The following CADPS2 variants were observed in gnomAD, a reference collection of about 807,000 sequenced individuals.
CADPS2 encodes calcium dependent secretion activator 2.
Under a neutral mutation model 172.5 loss-of-function variants are expected in CADPS2, and 93 were observed. The observed-to-expected ratio is 0.54, with a 90% CI of 0.46 to 0.64. The LOEUF is 0.64. Ranked by LOEUF, CADPS2 falls within the 30% of genes least tolerant of loss-of-function variation. The pLI, the probability that CADPS2 is intolerant of heterozygous loss-of-function variation, is 0.00. For missense variants in CADPS2, 1,420 were observed against 1,565.9 expected (o/e 0.91, Z 1.57); for synonymous variants, 546 against 555.2 (o/e 0.98, Z 0.23).
intron 8 of CADPS2, among the ~76,000 whole-genome samples, chr7:122,550,704 A>T (rs1447282897): frequency 6.6e-6 from 1 of 152,186 alleles, no homozygotes; most frequent in Non-Finnish European, 1.5e-5. Flanking sequence ...TTACTTAGCC[A>T]CTAGGCTATG....
intron 3 of CADPS2, among the ~76,000 whole-genome samples, chr7:122,657,809 C>A (rs2079995340): frequency 1.3e-5 from 2 of 152,146 alleles, no homozygotes; most frequent in Non-Finnish European, 1.5e-5. Flanking sequence ...CTTTCTTTCT[C>A]CTGCCTGATT....
chr7:122,523,002 G>C (rs533424663), intron 8 of CADPS2, among the ~76,000 whole-genome samples: 1 of 152,150 alleles, frequency 6.6e-6, no homozygotes, highest in Admixed American at 6.5e-5. Context: ...TCATATGTTG[G>C]CTACTGAGAA....
At chr7:122,830,691 A>G (rs1269046224) in intron 1 of CADPS2, among the ~76,000 whole-genome samples, 1 of 152,226 alleles carries the variant, frequency 6.6e-6, no homozygotes, top group Admixed American at 6.5e-5. Flanking sequence ...TGAAAAGCAA[A>G]AAGTCTCATC....
chr7:122,564,988 C>T (rs925700735), intron 7 of CADPS2, among the ~76,000 whole-genome samples: 1 of 151,872 alleles, frequency 6.6e-6, no homozygotes, highest in Non-Finnish European at 1.5e-5. Context: ...AAGTCAAATA[C>T]AGCATGTTCT....
intron 6 of CADPS2, among the ~76,000 whole-genome samples, chr7:122,587,927 C>G (rs530758253): frequency 1.3e-5 from 2 of 152,110 alleles, no homozygotes; most frequent in African/African-American, 4.8e-5. Context: ...GAGATGGTAT[C>G]TCACTGTGGT....
chr7:122,803,974 GAAAAAAAAAAAAA>G, intron 1 of CADPS2, among the ~76,000 whole-genome samples: 1 of 85,134 alleles, frequency 1.2e-5, no homozygotes, highest in South Asian at 4.5e-4. Context: ...GGCTTGAATG[GAAAAAAAAAAAAA>G]AAAAAAAAAA....
At chr7:122,352,634 A>G (rs894181405) in intron 27 of CADPS2, among the ~76,000 whole-genome samples, 3 of 152,200 alleles carry the variant, frequency 2.0e-5, no homozygotes, top group Non-Finnish European at 4.4e-5. Context: ...CTCTAGGTGA[A>G]TATGCCCCTG....
chr7:122,619,908 T>C (rs2075387540), intron 5 of CADPS2, among the ~76,000 whole-genome samples: 2 of 152,328 alleles, frequency 1.3e-5, no homozygotes, highest in South Asian at 4.1e-4. Flanking sequence ...AATTGAATCT[T>C]GAGTCAGAAG....
At position 122,731,898 on chromosome 7, in the gene CADPS2, C is replaced by CTG. The variant is rs1032598619; in HGVS notation, c.453+5055_453+5056dup. Among the ~76,000 whole-genome samples, 4 of 151,660 alleles carry CTG rather than the reference C, an allele frequency of 2.6e-5. No homozygotes were observed. The East Asian group carries it at 5.8e-4, about 22-fold the overall frequency. ...TTGGGTCAATTTTTAATTATGCCAA[C>CTG]TGTGTGTGTGAGAATATTGAAGAAA... On this transcript the variant is annotated intron_variant, in intron 2 of 29. Transcript: ENST00000449022.
intron 1 of CADPS2, among the ~76,000 whole-genome samples, chr7:122,853,700 T>C (rs182206047): frequency 1.3e-5 from 2 of 152,330 alleles, no homozygotes; most frequent in African/African-American, 4.8e-5. Flanking sequence ...ATCTTGAAGA[T>C]ATGCATACAT....
chr7:122,666,925 T>C (rs867945080), intron 2 of CADPS2, among the ~76,000 whole-genome samples: 7 of 152,144 alleles, frequency 4.6e-5, no homozygotes, highest in Admixed American at 2.0e-4. Flanking sequence ...TGAACTACTC[T>C]GCCATGCAGT....
intron 8 of CADPS2, among the ~76,000 whole-genome samples, chr7:122,547,556 T>C (rs1171557645): frequency 6.6e-6 from 1 of 152,210 alleles, no homozygotes; most frequent in Non-Finnish European, 1.5e-5. Context: ...TTCTACTAAA[T>C]ACTAGGCAAT....
chr7:122,427,966 T>C (rs1016888250), intron 17 of CADPS2, among the ~76,000 whole-genome samples: 9 of 152,204 alleles, frequency 5.9e-5, no homozygotes, highest in African/African-American at 9.6e-5. Context: ...ATTTTCTTCA[T>C]AGAGGTCTAT....
chr7:122,379,349 T>A lies in CADPS2; in HGVS notation c.3387+19A>T, dbSNP rs780483254. 6.8e-7 allele frequency: 1 copy of A among 1,475,930 alleles called. No homozygotes were observed. The highest frequency in any genetic ancestry group is 2.3e-5 in the East Asian group (1 of 43,550). 91.4% of individuals were successfully genotyped at this position (1,475,930 alleles called of 1,614,324 possible). Reference sequence around the variant, plus strand: ...AATTTTTCACTTTGATTTAAAAAGGTGAATAAATAATACATTACCTTTGAA... The same window carrying A: ...AATTTTTCACTTTGATTTAAAAAGGAGAATAAATAATACATTACCTTTGAA... On this transcript the variant is annotated intron_variant, in intron 25 of 29. Transcript: ENST00000449022.
At chr7:122,666,771 C>T (rs1475276716) in intron 2 of CADPS2, among the ~76,000 whole-genome samples, 1 of 152,192 alleles carries the variant, frequency 6.6e-6, no homozygotes, top group Non-Finnish European at 1.5e-5. Context: ...AGCTTTTCTC[C>T]AGACCCCTGA....
intron 25 of CADPS2, among the ~76,000 whole-genome samples, chr7:122,374,621 C>G (rs1041934467): frequency 6.6e-6 from 1 of 151,968 alleles, no homozygotes; most frequent in Non-Finnish European, 1.5e-5. Context: ...CAAACTATCA[C>G]AAGATCAGAA....
chr7:122,881,852 GA>G (rs1338263730), intron 1 of CADPS2, among the ~76,000 whole-genome samples: 4 of 152,068 alleles, frequency 2.6e-5, no homozygotes, highest in African/African-American at 7.2e-5. Context: ...ACATGTTTAG[GA>G]ACACTAGTTC....
At chr7:122,737,482 A>T (rs112498545) in intron 1 of CADPS2, among the ~76,000 whole-genome samples, 1 of 152,348 alleles carries the variant, frequency 6.6e-6, no homozygotes, top group Non-Finnish European at 1.5e-5. Flanking sequence ...GTGTGCTGGG[A>T]TTACAGGCAT....
intron 1 of CADPS2, among the ~76,000 whole-genome samples, chr7:122,861,586 T>G (rs1166951945): frequency 6.6e-6 from 1 of 152,198 alleles, no homozygotes; most frequent in Non-Finnish European, 1.5e-5. Flanking sequence ...TGCAGAAGCT[T>G]TTTAGTTTGA....
Sources: gnomAD v4.1 joint callset for allele counts (sites outside exome capture counted in the v4.1 genomes callset) on GRCh38, gnomAD v4.1.1 for gene constraint, MANE v1.5 for transcripts, NCBI Gene and HGNC (gene_info 2026-07-23, HGNC 2026-07-21) for gene names.